The following DIPK2B variants were observed in gnomAD, a reference collection of about 807,000 sequenced individuals.
DIPK2B encodes the protein divergent protein kinase domain 2B.
DIPK2B carries 15 observed loss-of-function variants against 22.2 expected under a neutral mutation model. The observed-to-expected ratio is 0.68, with a 90% CI of 0.45 to 1.04. DIPK2B has a LOEUF of 1.04. Ranked by LOEUF, DIPK2B falls within the 50% of genes least tolerant of loss-of-function variation. The probability of loss-of-function intolerance (pLI) is 0.00; values close to 1 mark genes in which losing one functional copy is unlikely to be tolerated. For missense variants in DIPK2B, 345 were observed against 348.3 expected, an observed-to-expected ratio of 0.99 and a Z score of 0.08; for synonymous variants, 163 against 153.2, an observed-to-expected ratio of 1.06 and a Z score of -0.47.
chrX:45,175,643 A>G (rs1311386562), intron 2 of DIPK2B, among the ~76,000 whole-genome samples: 3 of 102,750 alleles, frequency 2.9e-5, no homozygotes, highest in Non-Finnish European at 5.9e-5. Flanking sequence ...GTGTATATAT[A>G]CACATATATA....
chrX:45,177,495 C>T lies in DIPK2B; in HGVS notation c.498+14256G>A, dbSNP rs377132838. Among the ~76,000 whole-genome samples, 284 of 108,907 alleles carry T rather than the reference C, an allele frequency of 2.6e-3. 2 individuals are homozygous for T. The highest frequency in any genetic ancestry group is 9.2e-3 in the African/African-American group (273 of 29,829). The allele number at this position is 108,907 out of a possible 115,157, so 94.6% of individuals were successfully genotyped here. A position where few individuals can be genotyped will look rare whatever the true frequency, so the allele number is the denominator to read the frequency against. On this transcript the variant is annotated intron_variant, in intron 2 of 4. Transcript: ENST00000398000. ...TTAAAAAGAGCCTGCCACCTCCTCC[C>T]TCCCTCTCTCTTGCTCCCTCTCTCT...
chrX:45,189,173 G>A (rs775511367), intron 2 of DIPK2B, among the ~76,000 whole-genome samples: 8 of 112,532 alleles, frequency 7.1e-5, no homozygotes, highest in African/African-American at 9.7e-5. Flanking sequence ...GATTATGGGC[G>A]TGAGCCACTA....
chrX:45,194,958 C>T (rs1311006594), intron 1 of DIPK2B, among the ~76,000 whole-genome samples: 1 of 112,065 alleles, frequency 8.9e-6, no homozygotes, highest in African/African-American at 3.2e-5. Context: ...GAGACGACAG[C>T]ACTGCCTTGG....
At chrX:45,179,754 GA>G (rs1345899656) in intron 2 of DIPK2B, among the ~76,000 whole-genome samples, 1 of 110,423 alleles carries the variant, frequency 9.1e-6, no homozygotes, top group South Asian at 3.7e-4. Context: ...AAAAATAATT[GA>G]AAAAAATACT....
At chrX:45,154,782 G>T (rs962548550) in intron 3 of DIPK2B, among the ~76,000 whole-genome samples, 7 of 110,971 alleles carry the variant, frequency 6.3e-5, no homozygotes, top group Non-Finnish European at 1.1e-4. Flanking sequence ...AATAATAGAG[G>T]ATCAACTTAA....
At chrX:45,173,889 C>G (rs577633119) in intron 2 of DIPK2B, among the ~76,000 whole-genome samples, 4 of 111,331 alleles carry the variant, frequency 3.6e-5, no homozygotes, top group African/African-American at 1.3e-4. Flanking sequence ...CTTTCTATCT[C>G]CCATCCCAAC....
rs139329713 is a variant in DIPK2B at position 45,176,246 on chromosome X, G to T, written c.498+15505C>A. ...TCAGATGGATCAAAGAACAATGAAC[G>T]TCAAGAATGAAGTGAGCCTCATGAG... On this transcript the variant is annotated intron_variant, in intron 2 of 4. Coordinates refer to ENST00000398000, the MANE Select transcript of DIPK2B (RefSeq NM_176819.4). 7.0e-3 allele frequency among the ~76,000 whole-genome samples: 770 copies of T among 109,539 alleles called. 8 individuals are homozygous for T. Among genetic ancestry groups the T allele is most frequent in the African/African-American group, 0.025 (733 of 28,942 alleles).
At chrX:45,170,927 C>T (rs1478492220) in intron 2 of DIPK2B, among the ~76,000 whole-genome samples, 2 of 112,022 alleles carry the variant, frequency 1.8e-5, no homozygotes, top group Non-Finnish European at 3.8e-5. Flanking sequence ...GTGCTGTGCT[C>T]GCCTGCAATG....
intron 2 of DIPK2B, among the ~76,000 whole-genome samples, chrX:45,186,457 C>T (rs1285546476): frequency 1.8e-5 from 2 of 111,995 alleles, no homozygotes; most frequent in Non-Finnish European, 3.8e-5. Flanking sequence ...ACTGTGGAGG[C>T]ATTCTTAGCT....
intron 2 of DIPK2B, chrX:45,162,472 G>T: frequency 1.3e-6 from 1 of 753,949 alleles, no homozygotes; most frequent in South Asian, 6.7e-5. Flanking sequence ...CCTCCCCAAG[G>T]TCCCACTTAC....
intron 2 of DIPK2B, among the ~76,000 whole-genome samples, chrX:45,180,487 C>T (rs953430480): frequency 2.7e-5 from 3 of 111,371 alleles, no homozygotes; most frequent in Non-Finnish European, 3.8e-5. Flanking sequence ...GTATTGGAAG[C>T]CCTAGCCAGT....
At chrX:45,157,315 T>C (rs1603095674) in intron 3 of DIPK2B, among the ~76,000 whole-genome samples, 1 of 111,496 alleles carries the variant, frequency 9.0e-6, no homozygotes, top group East Asian at 2.8e-4. Flanking sequence ...CTTCCTTTGT[T>C]TTCCTCTCCT....
chrX:45,175,563 GTGTTTAAATATATATACGTATA>G (rs1411213915), intron 2 of DIPK2B, among the ~76,000 whole-genome samples: 7 of 104,563 alleles, frequency 6.7e-5, no homozygotes, highest in Admixed American at 2.1e-4. Flanking sequence ...CCTATTTTTT[GTGTTTAAATATATATACGTATA>G]TGTTTAAATA....
chrX:45,193,780 G>A (rs976066673), intron 1 of DIPK2B, among the ~76,000 whole-genome samples: 3 of 112,000 alleles, frequency 2.7e-5, no homozygotes, highest in African/African-American at 9.7e-5. Flanking sequence ...CATTTTACTG[G>A]AAGTTTCAGG....
chrX:45,152,795 G>C lies in DIPK2B; in HGVS notation c.962-803C>G, dbSNP rs982593969. On this transcript the variant is annotated intron_variant, in intron 4 of 4. Transcript: ENST00000398000. ...AAAATACAAAAATTAGCTGGGTGTG[G>C]TGACAGTCGTCTGTAATTCCAGCTA... 4.5e-5 allele frequency among the ~76,000 whole-genome samples: 5 copies of C among 111,047 alleles called. No homozygotes were observed. In the Middle Eastern group the frequency reaches 0.014, roughly 311 times the overall value.
chrX:45,154,027 C>T lies in DIPK2B; in HGVS notation c.844G>A (p.Asp282Asn), dbSNP rs749712350. The T allele has an allele frequency of 5.0e-6, 6 of 1,208,974 alleles. No individual in the cohort carries two copies. The East Asian group carries it at 8.9e-5, about 18-fold the overall frequency. Residue 282 changes from aspartate (D) to asparagine (N), a missense_variant, in exon 4 of 5, where the codon GAT becomes AAT. Physicochemically the swap from Asp to Asn is conservative, Grantham distance 23. Transcript: ENST00000398000. ...LGVLESLRSN[D>N]LNYFFYFTHI... ...GTGAAGTAGAAGAAATAGTTCAAATCGTTGCTCCTCAAAGACTCCAGGACA... is the reference window on the plus strand; with the variant it reads ...GTGAAGTAGAAGAAATAGTTCAAATTGTTGCTCCTCAAAGACTCCAGGACA...
chrX:45,151,691 G>A lies in DIPK2B; in HGVS notation c.1263C>T (p.Ala421=), dbSNP rs1343132314. The A allele has an allele frequency of 1.7e-6, 2 of 1,212,005 alleles. No individual in the cohort carries two copies. The highest frequency in any genetic ancestry group is 5.9e-5 in the East Asian group (2 of 33,843). ...TATATTTGCAATCTGGGTAACGATA[G>A]GCAAATCTGGAGTCACACGTTCTCA... ...RPLRTCDSRF[A]YRYPDCKYND... The change falls in exon 5 of 5, where the codon GCC becomes GCT. Residue 421 remains alanine, a synonymous_variant. Transcript: ENST00000398000.
intron 3 of DIPK2B, among the ~76,000 whole-genome samples, chrX:45,157,106 A>G (rs753821814): frequency 4.3e-4 from 47 of 110,415 alleles, no homozygotes; most frequent in African/African-American, 1.6e-3. Context: ...CCTTGAGGTC[A>G]GGGGTCAGTC....
intron 2 of DIPK2B, among the ~76,000 whole-genome samples, chrX:45,165,966 A>G (rs2047046794): frequency 8.9e-6 from 1 of 111,895 alleles, no homozygotes; most frequent in South Asian, 3.7e-4. Context: ...ATGTCCCCTT[A>G]TAGCTGAAGC....
Sources: gnomAD v4.1 joint callset for allele counts (sites outside exome capture counted in the v4.1 genomes callset) on GRCh38, gnomAD v4.1.1 for gene constraint, MANE v1.5 for transcripts, NCBI Gene and HGNC (gene_info 2026-07-23, HGNC 2026-07-21) for gene names.